The following UNC45B variants were observed in gnomAD, a reference collection of about 807,000 sequenced individuals.
UNC45B encodes protein unc-45 homolog B.
A neutral mutation model predicts 98.7 loss-of-function variants in UNC45B; 78 were observed. That is an observed-to-expected ratio of 0.79 (90% CI 0.66 to 0.95). UNC45B has a LOEUF of 0.95. Among genes scored for constraint, UNC45B ranks in the 40% least tolerant of loss-of-function variants. UNC45B has a pLI of 0.00. For missense variants in UNC45B, 1,225 were observed against 1,184.9 expected, an observed-to-expected ratio of 1.03 and a Z score of -0.50; for synonymous variants, 462 against 480.4, an observed-to-expected ratio of 0.96 and a Z score of 0.50.
At chr17:35,170,409 A>G (rs1039217844) in intron 12 of UNC45B, 154 bp downstream of exon 12, 1 of 977,594 alleles carries the variant, frequency 1.0e-6, no homozygotes, top group Admixed American at 3.4e-5. Context: ...CCCTCATTTT[A>G]CCTGATTGTA....
rs755995237 is a variant in UNC45B, at chr17:35,168,151, C to T, written c.1242C>T (p.Asn414=). Residue 414 remains asparagine (N), a synonymous_variant, in exon 10 of 20, where the codon AAC becomes AAT. Coordinates refer to ENST00000394570, the MANE Select transcript of UNC45B (RefSeq NM_001267052.2). ...GILQGPFDLG[N]QLLGLKGVME... ...TGCAGGGCCCCTTTGACCTGGGCAACCAGCTGCTGGGACTGAAAGGTGTGA... is the reference window on the plus strand; with the variant it reads ...TGCAGGGCCCCTTTGACCTGGGCAATCAGCTGCTGGGACTGAAAGGTGTGA... The T allele has an allele frequency of 1.9e-6, 3 of 1,604,328 alleles. No homozygotes were observed. The East Asian group carries it at 6.8e-5, about 37-fold the overall frequency.
intron 7 of UNC45B, among the ~76,000 whole-genome samples, chr17:35,157,457 C>A (rs1041022429): frequency 1.3e-5 from 2 of 152,174 alleles, no homozygotes; most frequent in Admixed American, 6.5e-5. Flanking sequence ...CCGCCTCTGC[C>A]TCCCAAAGTA....
chr17:35,170,565 G>A (rs950596200), intron 12 of UNC45B, among the ~76,000 whole-genome samples: 9 of 146,524 alleles, frequency 6.1e-5, no homozygotes, highest in East Asian at 4.1e-4. Context: ...GCAGGGCATC[G>A]TAGCACGTGC....
chr17:35,155,206 G>A (rs2092050135), intron 6 of UNC45B, 90 bp from the exon 7 acceptor site: 3 of 1,496,204 alleles, frequency 2.0e-6, no homozygotes, highest in East Asian at 2.3e-5. Context: ...ATGGGATAGG[G>A]TGGGGAGGAT....
rs757805456 is a variant in UNC45B at position 35,183,443 on chromosome 17, T to C, written c.2390T>C (p.Leu797Ser). 1.3e-6 allele frequency: 2 copies of C among 1,592,530 alleles called. No individual in the cohort carries two copies. Among genetic ancestry groups the C allele is most frequent in the South Asian group, 2.3e-5 (2 of 87,584 alleles). Reference sequence around the variant, plus strand: ...CTCCCACAGGTACAGGAAAGGTTCTTGGCTGACGGGAATGACCGGCTGAAG... The same window carrying C: ...CTCCCACAGGTACAGGAAAGGTTCTCGGCTGACGGGAATGACCGGCTGAAG... ...VLHKEVQERF[L>S]ADGNDRLKLV... The change falls in exon 19 of 20, where the codon TTG (leucine) becomes TCG (serine). Residue 797 changes from leucine (L) to serine (S), a missense_variant. Coordinates refer to ENST00000394570, the MANE Select transcript of UNC45B (RefSeq NM_001267052.2).
At chr17:35,182,669 G>A (rs1238605834) in intron 18 of UNC45B, among the ~76,000 whole-genome samples, 1 of 152,144 alleles carries the variant, frequency 6.6e-6, no homozygotes, top group Non-Finnish European at 1.5e-5. Flanking sequence ...GATATATGGT[G>A]ACCTCTGCCA....
At chr17:35,161,400 A>G (rs1445272874) in intron 8 of UNC45B, among the ~76,000 whole-genome samples, 1 of 152,162 alleles carries the variant, frequency 6.6e-6, no homozygotes, top group East Asian at 1.9e-4. Context: ...AGGGGCAAAG[A>G]TAGACAGGAG....
At position 35,170,140 on chromosome 17, in the gene UNC45B, C is replaced by G. The variant is rs765750551; in HGVS notation, c.1574C>G (p.Thr525Ser). Residue 525 changes from threonine to serine, a missense_variant, in exon 12 of 20, where the codon ACT becomes AGT. Coordinates refer to ENST00000394570, the MANE Select transcript of UNC45B (RefSeq NM_001267052.2). Reference sequence around the variant, plus strand: ...TGGCTGTGCAATATGTCCATAGACACTCGGACCCGACGCTGGGCAGTGGAG... The same window carrying G: ...TGGCTGTGCAATATGTCCATAGACAGTCGGACCCGACGCTGGGCAGTGGAG... Reference protein sequence around the residue: ...RKWLCNMSIDTRTRRWAVEGL... With the variant: ...RKWLCNMSIDSRTRRWAVEGL... The G allele has an allele frequency of 8.7e-6, 14 of 1,613,052 alleles. No individual in the cohort carries two copies. The Admixed American group carries it at 1.2e-4, about 13-fold the overall frequency.
rs879431662 is a variant in UNC45B, at chr17:35,161,911, TA to T, written c.980-2076del. On this transcript the variant is annotated intron_variant, in intron 8 of 19. Transcript: ENST00000394570. Reference sequence around the variant, plus strand: ...GTGCCTACATAATGAAGCCTCTATTTAAAAAAAATCCCTAGCCAAAGGGGCT... The same window carrying T: ...GTGCCTACATAATGAAGCCTCTATTTAAAAAAATCCCTAGCCAAAGGGGCT... Among the ~76,000 whole-genome samples, 606 of 152,098 alleles carry T rather than the reference TA, an allele frequency of 4.0e-3. 3 individuals carry two copies. Among genetic ancestry groups the T allele is most frequent in the Admixed American group, 5.6e-3 (85 of 15,288 alleles).
intron 4 of UNC45B, among the ~76,000 whole-genome samples, chr17:35,151,819 C>G (rs950243937): frequency 2.0e-5 from 3 of 152,222 alleles, no homozygotes; most frequent in African/African-American, 7.2e-5. Flanking sequence ...GAGCACAAGG[C>G]TGGGTGTGGT....
rs2092310165 is a variant in UNC45B at position 35,187,386 on chromosome 17, G to A, written c.*827G>A. On this transcript the variant is annotated 3_prime_UTR_variant, in exon 20 of 20. Transcript: ENST00000394570. ...TATAGGTTTGTCTCATTCCCTGGCA[G>A]GCTCTCTCCCTGTGATAGGAAAGAG... The A allele has an allele frequency of 6.6e-6, 1 of 152,022 alleles. No homozygotes were observed. The allele number at this position is 152,022 out of a possible 1,614,324, so 9.4% of individuals were successfully genotyped here.
At chr17:35,158,502 A>T (rs964754713) in intron 7 of UNC45B, among the ~76,000 whole-genome samples, 1 of 152,220 alleles carries the variant, frequency 6.6e-6, no homozygotes, top group Non-Finnish European at 1.5e-5. Flanking sequence ...GAGCATTTAT[A>T]ATGAGTGTCG....
intron 11 of UNC45B, 27 bp from the exon 12 acceptor site, chr17:35,170,087 C>T (rs1356601530): frequency 3.7e-6 from 6 of 1,602,854 alleles, no homozygotes; most frequent in Non-Finnish European, 4.3e-6. Context: ...GGGCCCCTTC[C>T]CATGTGTGCT....
At chr17:35,163,608 T>G (rs1280324850) in intron 8 of UNC45B, among the ~76,000 whole-genome samples, 1 of 152,170 alleles carries the variant, frequency 6.6e-6, no homozygotes, top group Non-Finnish European at 1.5e-5. Context: ...GCCCTCAAAC[T>G]TTATGAGGTA....
intron 8 of UNC45B, among the ~76,000 whole-genome samples, chr17:35,161,643 G>C (rs2092103237): frequency 6.6e-6 from 1 of 152,180 alleles, no homozygotes; most frequent in African/African-American, 2.4e-5. Flanking sequence ...TTTGGTCTCT[G>C]CTGCTGTTTC....
In UNC45B at chr17:35,174,307, G is replaced by A; in HGVS notation, c.1896G>A (p.Leu632=). The A allele has an allele frequency of 6.2e-7, 1 of 1,614,158 alleles. No homozygotes were observed. The highest frequency in any genetic ancestry group is 1.1e-5 in the South Asian group (1 of 91,086). Residue 632 remains leucine, a synonymous_variant, in exon 14 of 20, where the codon CTG becomes CTA. Coordinates refer to ENST00000394570, the MANE Select transcript of UNC45B (RefSeq NM_001267052.2). ...TGAAGGCGGGTGTCATCTCTGCCCTGGCTTGCATGGTGAAAGCAGATAGTG... is the reference window on the plus strand; with the variant it reads ...TGAAGGCGGGTGTCATCTCTGCCCTAGCTTGCATGGTGAAAGCAGATAGTG... The part of the protein sequence containing the change: ...RLLKAGVISA[L]ACMVKADSAI...
At chr17:35,154,460 G>C (rs2092043315) in intron 5 of UNC45B, 114 bp from the exon 6 acceptor site, 3 of 978,832 alleles carry the variant, frequency 3.1e-6, no homozygotes, top group Non-Finnish European at 4.5e-6. Flanking sequence ...TGAGATAATA[G>C]AACAATGTTC....
chr17:35,174,288 C>T lies in UNC45B; in HGVS notation c.1877C>T (p.Ala626Val), dbSNP rs780354757. The T allele has an allele frequency of 1.1e-5, 17 of 1,614,002 alleles. 1 individual carries two copies. The highest frequency in any genetic ancestry group is 1.4e-5 in the Non-Finnish European group (17 of 1,180,026). The change falls in exon 14 of 20, where the codon GCG becomes GTG. Residue 626 changes from alanine (A) to valine (V), a missense_variant. Coordinates refer to ENST00000394570, the MANE Select transcript of UNC45B (RefSeq NM_001267052.2). ...ATGCGGGTGAAGCGGCTTCTGAAGG[C>T]GGGTGTCATCTCTGCCCTGGCTTGC... ...IDMRVKRLLK[A>V]GVISALACMV...
At chr17:35,174,472 A>G in intron 14 of UNC45B, 103 bp downstream of exon 14, 1 of 1,498,618 alleles carries the variant, frequency 6.7e-7, no homozygotes, top group Non-Finnish European at 9.1e-7. Flanking sequence ...GGCCTAAATG[A>G]GGAGATAAAC....
Sources: allele counts gnomAD v4.1 joint callset (sites outside exome capture counted in the v4.1 genomes callset), GRCh38; gene constraint gnomAD v4.1.1; transcripts MANE v1.5; gene names NCBI Gene and HGNC (gene_info 2026-07-23, HGNC 2026-07-21).